The following ARHGEF12 variants were observed in gnomAD, a reference collection of about 807,000 sequenced individuals.
ARHGEF12 encodes Rho guanine nucleotide exchange factor 12, also known as KMT2A/ARHGEF12 fusion protein.
Under a neutral mutation model 211.2 loss-of-function variants are expected in ARHGEF12, and 66 were observed. The observed-to-expected ratio is 0.31, with a 90% CI of 0.26 to 0.38. The LOEUF (loss-of-function observed/expected upper bound fraction) is 0.38, where lower values mean the gene tolerates loss of function less well. Among genes scored for constraint, ARHGEF12 ranks in the 10% least tolerant of loss-of-function variants. The probability of loss-of-function intolerance (pLI) is 1.00; values close to 1 mark genes in which losing one functional copy is unlikely to be tolerated. For missense variants in ARHGEF12, 1,429 were observed against 1,869.5 expected (o/e 0.76, Z 4.34); for synonymous variants, 592 against 638.4 (o/e 0.93, Z 1.09).
intron 1 of ARHGEF12, among the ~76,000 whole-genome samples, chr11:120,366,322 T>C (rs1301110852): frequency 6.6e-6 from 1 of 152,152 alleles, no homozygotes; most frequent in African/African-American, 2.4e-5. Context: ...TTGGGAGAGT[T>C]ACTTTATTAT....
intron 28 of ARHGEF12, among the ~76,000 whole-genome samples, chr11:120,465,569 C>T (rs1348449190): frequency 6.6e-6 from 1 of 151,998 alleles, no homozygotes; most frequent in Non-Finnish European, 1.5e-5. Flanking sequence ...TGGGTTCAAG[C>T]GATTCTCCTG....
At position 120,366,628 on chromosome 11, in the gene ARHGEF12, C is replaced by G. The variant is rs182805665; in HGVS notation, c.32+29353C>G. On this transcript the variant is annotated intron_variant, in intron 1 of 40. Transcript: ENST00000397843. ...ACAGGTAAATTAACATGACCATGGT[C>G]TGTCCCCAGCGTCTTGACTCAGATT... is the stretch of plus-strand genomic sequence containing the variant. Among the ~76,000 whole-genome samples, 709 of 152,328 alleles carry G rather than the reference C, an allele frequency of 4.7e-3. 1 individual carries two copies. The highest frequency in any genetic ancestry group is 7.5e-3 in the Non-Finnish European group (507 of 68,022).
intron 1 of ARHGEF12, among the ~76,000 whole-genome samples, chr11:120,396,344 A>C (rs1293387616): frequency 2.6e-5 from 4 of 152,206 alleles, no homozygotes; most frequent in Non-Finnish European, 4.4e-5. Context: ...ATCCTCTCAG[A>C]TGCTAGTGTG....
intron 1 of ARHGEF12, among the ~76,000 whole-genome samples, chr11:120,373,820 T>G (rs538909458): frequency 4.6e-5 from 7 of 152,312 alleles, no homozygotes; most frequent in African/African-American, 1.7e-4. Context: ...TTTGTTTTTG[T>G]TTTTGAGACG....
intron 11 of ARHGEF12, among the ~76,000 whole-genome samples, chr11:120,436,104 T>C (rs1945686154): frequency 6.6e-6 from 1 of 152,082 alleles, no homozygotes; most frequent in African/African-American, 2.4e-5. Context: ...GTGGGAAGGG[T>C]ATATGTGTGT....
chr11:120,448,442 A>G (rs1653946596), intron 20 of ARHGEF12, 94 bp downstream of exon 20: 2 of 880,992 alleles, frequency 2.3e-6, no homozygotes, highest in Non-Finnish European at 3.5e-6. Context: ...TTACTTAATC[A>G]GCAAATTAAT....
At chr11:120,417,476 G>C (rs997667788) in intron 4 of ARHGEF12, among the ~76,000 whole-genome samples, 1 of 151,156 alleles carries the variant, frequency 6.6e-6, no homozygotes, top group African/African-American at 2.4e-5. Flanking sequence ...ATTTTAAAAG[G>C]TTCCTGTAAA....
At chr11:120,453,413 T>C (rs1348927559) in intron 22 of ARHGEF12, among the ~76,000 whole-genome samples, 1 of 151,924 alleles carries the variant, frequency 6.6e-6, no homozygotes, top group African/African-American at 2.4e-5. Flanking sequence ...ACTTGGGAGA[T>C]TGAAAGCAGA....
intron 36 of ARHGEF12, among the ~76,000 whole-genome samples, chr11:120,477,892 G>T (rs11217887): frequency 0.41 from 58,600 of 142,132 alleles, 12,378 homozygotes; most frequent in African/African-American, 0.53. Context: ...AGAAAAAAAA[G>T]AAAATAAAAT....
intron 1 of ARHGEF12, among the ~76,000 whole-genome samples, chr11:120,346,646 TCAA>T (rs990656076): frequency 8.5e-5 from 13 of 152,366 alleles, no homozygotes; most frequent in Middle Eastern, 3.4e-3. Context: ...ATAGTCTACA[TCAA>T]CAAGTTCAGT....
chr11:120,444,449 A>G (rs992655107), intron 15 of ARHGEF12, among the ~76,000 whole-genome samples: 1 of 152,150 alleles, frequency 6.6e-6, no homozygotes, highest in African/African-American at 2.4e-5. Context: ...AGCTTTTATT[A>G]CTTTTTTGCA....
Position 120,457,714 on chromosome 11 carries a change from GT to G in ARHGEF12, c.2190-3del. 1 of 1,604,098 alleles carries G rather than the reference GT, an allele frequency of 6.2e-7. No homozygotes were observed. The highest frequency in any genetic ancestry group is 8.5e-7 in the Non-Finnish European group (1 of 1,175,172). On this transcript the variant is annotated splice_polypyrimidine_tract_variant and splice_region_variant and intron_variant, in intron 23 of 40. Transcript: ENST00000397843. ...TTCATGTTACTCTTTACTTTCCATT[GT>G]TTTAGGGTGACTGAACATGGGACAC...
At chr11:120,351,341 CAAAAAAAAAAAAA>C (rs35596601) in intron 1 of ARHGEF12, among the ~76,000 whole-genome samples, 3 of 18,692 alleles carry the variant, frequency 1.6e-4, no homozygotes, top group Admixed American at 2.4e-3. Flanking sequence ...GACTCCGTCT[CAAAAAAAAAAAAA>C]AAAAAAAAAA....
chr11:120,351,312 A>T (rs1435029741), intron 1 of ARHGEF12, among the ~76,000 whole-genome samples: 1 of 111,120 alleles, frequency 9.0e-6, no homozygotes, highest in East Asian at 3.2e-4. Context: ...ACCCTACTGC[A>T]GCCTGGGCAA....
At chr11:120,467,143 GTA>G in intron 28 of ARHGEF12, 49 bp from the exon 29 acceptor site, 1 of 1,197,938 alleles carries the variant, frequency 8.3e-7, no homozygotes, top group African/African-American at 1.5e-5. Flanking sequence ...CATGGTACAT[GTA>G]TAAGTTCAAA....
Position 120,457,177 on chromosome 11 carries a change from A to C in ARHGEF12, c.2116A>C (p.Thr706Pro). 2 of 1,614,036 alleles carry C rather than the reference A, an allele frequency of 1.2e-6. No individual in the cohort carries two copies. ...PGDTLDGTPRTLNTVFDFPPP... is the reference protein window; with the variant it reads ...PGDTLDGTPRPLNTVFDFPPP... Reference sequence around the variant, plus strand: ...AGACACCTTAGATGGCACACCTCGTACTCTCAATACTGTCTTTGATTTCCC... The same window carrying C: ...AGACACCTTAGATGGCACACCTCGTCCTCTCAATACTGTCTTTGATTTCCC... The change falls in exon 23 of 41, where the codon ACT (threonine) becomes CCT (proline). Residue 706 changes from threonine to proline, a missense_variant. By Grantham distance (38) the Thr-to-Pro change is conservative. Transcript: ENST00000397843.
chr11:120,474,450 A>G (rs1355371834), intron 31 of ARHGEF12, 110 bp from the exon 32 acceptor site: 2 of 654,324 alleles, frequency 3.1e-6, no homozygotes, highest in Admixed American at 3.4e-5. Flanking sequence ...GTTGAATGTA[A>G]ATGGTGTATT....
At chr11:120,359,055 G>T (rs1397778164) in intron 1 of ARHGEF12, among the ~76,000 whole-genome samples, 1 of 152,124 alleles carries the variant, frequency 6.6e-6, no homozygotes, top group Non-Finnish European at 1.5e-5. Flanking sequence ...AGCTGGCTTT[G>T]CCCTGAGTGA....
intron 1 of ARHGEF12, among the ~76,000 whole-genome samples, chr11:120,360,127 T>G (rs1943239294): frequency 6.6e-6 from 1 of 152,058 alleles, no homozygotes; most frequent in South Asian, 2.1e-4. Context: ...GTGGTAGAGA[T>G]ATGGATACTA....
Sources: gnomAD v4.1 joint callset for allele counts (sites outside exome capture counted in the v4.1 genomes callset) on GRCh38, gnomAD v4.1.1 for gene constraint, MANE v1.5 for transcripts, NCBI Gene and HGNC (gene_info 2026-07-23, HGNC 2026-07-21) for gene names.